DYSF: variants seen among roughly 807,000 people sequenced by gnomAD.
DYSF encodes dystrophy-associated fer-1-like 1.
Under a neutral mutation model 274.9 loss-of-function variants are expected in DYSF, and 212 were observed. The ratio of observed to expected loss-of-function variants is 0.77; its 90% CI spans 0.69 to 0.86. The LOEUF (loss-of-function observed/expected upper bound fraction) is 0.86. DYSF is among the 40% of genes least tolerant of loss of function. DYSF has a pLI of 0.00. For synonymous variants in DYSF, 1,091 were observed against 1,078.7 expected (o/e 1.01, Z -0.22); for missense variants, 2,666 against 2,783.2 (o/e 0.96, Z 0.95).
upstream of DYSF, chr2:71,466,663 C>A: frequency 1.5e-6 from 2 of 1,328,086 alleles, no homozygotes; most frequent in East Asian, 2.9e-5. Flanking sequence ...AGCGGGTGTC[C>A]GGTGTCCTCC....
chr2:71,524,860 G>C (rs1218342076), intron 12 of DYSF, among the ~76,000 whole-genome samples: 2 of 152,206 alleles, frequency 1.3e-5, no homozygotes, highest in African/African-American at 2.4e-5. Context: ...TGCTCTCCAA[G>C]CACGTGGGTT....
chr2:71,603,622 C>T lies in DYSF; in HGVS notation c.3957+817C>T, dbSNP rs376680029. 6.0e-4 allele frequency among the ~76,000 whole-genome samples: 92 copies of T among 152,332 alleles called. 1 individual carries two copies. The highest frequency in any genetic ancestry group is 4.6e-3 in the South Asian group (22 of 4,832). ...CACAGGCCCCGCACCCCTTACCTCA[C>T]TTCCTTTTGCTCCCAGACCGAGGTG... On this transcript the variant is annotated intron_variant, in intron 36 of 55. Transcript: ENST00000410020.
intron 13 of DYSF, among the ~76,000 whole-genome samples, chr2:71,526,629 G>A (rs1340150726): frequency 2.0e-5 from 3 of 152,228 alleles, no homozygotes; most frequent in African/African-American, 7.2e-5. Flanking sequence ...TCATTGAGAA[G>A]TCAGCACCAT....
At position 71,679,067 on chromosome 2, in the gene DYSF, G is replaced by C; in HGVS notation, c.5895G>C (p.Gln1965His). Reference protein sequence around the residue: ...FSFDDFLGSLQLDLNRMPKPA... With the variant: ...FSFDDFLGSLHLDLNRMPKPA... ...ACCTCTCTGTTGCAGGCTCCCTGCA[G>C]CTCGATCTCAACCGCATGCCCAAGC... Residue 1965 changes from glutamine (Q) to histidine (H), a missense_variant, in exon 53 of 56, where the codon CAG (glutamine) becomes CAC (histidine). Coordinates refer to ENST00000410020, the MANE Select transcript of DYSF (RefSeq NM_001130987.2). 6.2e-7 allele frequency: 1 copy of C among 1,613,978 alleles called. No individual in the cohort carries two copies. The highest frequency in any genetic ancestry group is 8.5e-7 in the Non-Finnish European group (1 of 1,179,882).
chr2:71,558,287 G>A (rs2091474083), intron 22 of DYSF, among the ~76,000 whole-genome samples: 1 of 152,256 alleles, frequency 6.6e-6, no homozygotes, highest in Non-Finnish European at 1.5e-5. Flanking sequence ...GGAGCCAGTT[G>A]AGGGGGAGGT....
intron 17 of DYSF, among the ~76,000 whole-genome samples, chr2:71,544,669 C>G (rs1290105489): frequency 2.0e-5 from 3 of 152,046 alleles, no homozygotes; most frequent in Non-Finnish European, 4.4e-5. Context: ...CCATGTGGGC[C>G]AGGCTGGTCT....
At chr2:71,560,648 G>T (rs947714451) in intron 22 of DYSF, among the ~76,000 whole-genome samples, 1 of 152,242 alleles carries the variant, frequency 6.6e-6, no homozygotes, top group African/African-American at 2.4e-5. Flanking sequence ...GTGCGCCGAG[G>T]GCCTGCCAGA....
chr2:71,607,366 A>C (rs1206353878), intron 36 of DYSF, among the ~76,000 whole-genome samples: 1 of 152,138 alleles, frequency 6.6e-6, no homozygotes, highest in Non-Finnish European at 1.5e-5. Flanking sequence ...GGGGTCATCA[A>C]GGGGAAATTT....
intron 1 of DYSF, among the ~76,000 whole-genome samples, chr2:71,470,567 G>T (rs989669752): frequency 2.0e-5 from 3 of 150,556 alleles, no homozygotes; most frequent in Admixed American, 2.0e-4. Flanking sequence ...CCAGCTACTC[G>T]GGAGGCTGAG....
At chr2:71,562,949 G>T (rs2091866106) in intron 23 of DYSF, among the ~76,000 whole-genome samples, 1 of 152,286 alleles carries the variant, frequency 6.6e-6, no homozygotes, top group Non-Finnish European at 1.5e-5. Context: ...TGGCTGGAAG[G>T]GGTTAAGGTC....
At chr2:71,642,360 C>T (rs1274522902) in intron 41 of DYSF, among the ~76,000 whole-genome samples, 6 of 152,170 alleles carry the variant, frequency 3.9e-5, no homozygotes, top group African/African-American at 7.2e-5. Flanking sequence ...CTCCTTTGGA[C>T]GTGACTGTGT....
intron 42 of DYSF, among the ~76,000 whole-genome samples, chr2:71,651,095 A>G (rs542978504): frequency 6.6e-6 from 1 of 152,288 alleles, no homozygotes; most frequent in Admixed American, 6.5e-5. Context: ...TTATCTGGAA[A>G]AAGGGAGTAA....
intron 12 of DYSF, among the ~76,000 whole-genome samples, chr2:71,523,249 C>T (rs917032196): frequency 6.6e-6 from 1 of 152,178 alleles, no homozygotes; most frequent in Non-Finnish European, 1.5e-5. Context: ...GAGTAAAGGA[C>T]AATGGAGGCC....
At chr2:71,536,409 G>A (rs936190231) in intron 16 of DYSF, among the ~76,000 whole-genome samples, 2 of 152,252 alleles carry the variant, frequency 1.3e-5, no homozygotes, top group African/African-American at 4.8e-5. Context: ...GTGAGGGAGA[G>A]GCCGCAAGGG....
chr2:71,595,571 G>A (rs2093383027), intron 32 of DYSF, among the ~76,000 whole-genome samples: 1 of 152,216 alleles, frequency 6.6e-6, no homozygotes, highest in Non-Finnish European at 1.5e-5. Context: ...GGAGCTCCAG[G>A]AAGGTTGGAG....
chr2:71,502,550 G>A (rs113669823), intron 3 of DYSF, among the ~76,000 whole-genome samples: 3,845 of 152,150 alleles, frequency 0.025, 185 homozygotes, highest in African/African-American at 0.088. Flanking sequence ...CTCTTTGAAG[G>A]GAGCATGTGC....
chr2:71,609,606 A>C (rs1305678127), intron 36 of DYSF, among the ~76,000 whole-genome samples: 5 of 152,224 alleles, frequency 3.3e-5, no homozygotes, highest in African/African-American at 1.2e-4. Flanking sequence ...TTCATCTGAG[A>C]ATACTGAGTC....
chr2:71,609,202 G>C (rs923441365), intron 36 of DYSF, among the ~76,000 whole-genome samples: 3 of 152,188 alleles, frequency 2.0e-5, no homozygotes, highest in African/African-American at 7.2e-5. Context: ...CCTTTCATGT[G>C]GACTGTGACA....
intron 41 of DYSF, among the ~76,000 whole-genome samples, chr2:71,642,233 A>T (rs764937039): frequency 6.6e-6 from 1 of 152,204 alleles, no homozygotes; most frequent in Non-Finnish European, 1.5e-5. Flanking sequence ...GGGGAACTCA[A>T]CAGCTAAATT....
Sources: gnomAD v4.1 joint callset for allele counts (sites outside exome capture counted in the v4.1 genomes callset) on GRCh38, gnomAD v4.1.1 for gene constraint, MANE v1.5 for transcripts, NCBI Gene and HGNC (gene_info 2026-07-23, HGNC 2026-07-21) for gene names.